CDH12: variants seen among roughly 807,000 people sequenced by gnomAD.
CDH12 encodes cadherin 12.
A neutral mutation model predicts 74.1 loss-of-function variants in CDH12; 41 were observed. The observed-to-expected ratio is 0.55, with a 90% CI of 0.43 to 0.72. CDH12 has a LOEUF of 0.72. Among genes scored for constraint, CDH12 ranks in the 30% least tolerant of loss-of-function variants. The pLI is 0.00. For synonymous variants in CDH12, 399 were observed against 355.0 expected (o/e 1.12, Z -1.39); for missense variants, 945 against 977.2 (o/e 0.97, Z 0.44).
chr5:22,191,551 G>T, intron 4 of CDH12, among the ~76,000 whole-genome samples: 1 of 127,790 alleles, frequency 7.8e-6, no homozygotes, highest in African/African-American at 2.8e-5. Context: ...ATACACCAAT[G>T]GTCTTTTTAT....
intron 1 of CDH12, among the ~76,000 whole-genome samples, chr5:22,848,242 A>G (rs999967583): frequency 6.6e-6 from 1 of 152,156 alleles, no homozygotes; most frequent in Non-Finnish European, 1.5e-5. Flanking sequence ...AATTTTTCAA[A>G]TTCCAGGAAT....
At chr5:22,080,572 A>T (rs933565483) in intron 4 of CDH12, among the ~76,000 whole-genome samples, 2 of 152,138 alleles carry the variant, frequency 1.3e-5, no homozygotes, top group African/African-American at 4.8e-5. Context: ...CTTGTCCAAT[A>T]TGGAAACCTC....
chr5:21,839,807 C>A (rs1490830037), intron 8 of CDH12, among the ~76,000 whole-genome samples: 4 of 152,056 alleles, frequency 2.6e-5, no homozygotes, highest in African/African-American at 9.7e-5. Flanking sequence ...CCTTATACAA[C>A]CAGTGACAGA....
chr5:22,723,195 A>G (rs1402823006), intron 1 of CDH12, among the ~76,000 whole-genome samples: 1 of 152,196 alleles, frequency 6.6e-6, no homozygotes, highest in East Asian at 1.9e-4. Flanking sequence ...AAAATTTCAC[A>G]AATTCACAGA....
At chr5:22,700,694 G>T (rs1742670185) in intron 1 of CDH12, among the ~76,000 whole-genome samples, 1 of 152,166 alleles carries the variant, frequency 6.6e-6, no homozygotes, top group South Asian at 2.1e-4. Flanking sequence ...CCTAAGGAGA[G>T]AGTCAATACT....
chr5:22,065,249 C>A (rs1176506940), intron 5 of CDH12, among the ~76,000 whole-genome samples: 1 of 152,098 alleles, frequency 6.6e-6, no homozygotes, highest in Non-Finnish European at 1.5e-5. Flanking sequence ...TGAGGTGATG[C>A]ATTAAATACC....
At position 22,214,583 on chromosome 5, in the gene CDH12, A is replaced by G. The variant is rs144905037; in HGVS notation, c.-332-1940T>C. ...GCTCTAATGTGTAGTTGGTCATGCA[A>G]TTAAAGCACTCCGTTTCTCGTATTG... is the stretch of plus-strand genomic sequence containing the variant. On this transcript the variant is annotated intron_variant, in intron 3 of 14. Transcript: ENST00000382254. Among the ~76,000 whole-genome samples, 8 of 152,310 alleles carry G rather than the reference A, an allele frequency of 5.3e-5. No individual in the cohort carries two copies. In the East Asian group the frequency reaches 1.4e-3, roughly 26 times the overall value.
chr5:22,634,168 T>C (rs530172020), intron 1 of CDH12, among the ~76,000 whole-genome samples: 1 of 152,108 alleles, frequency 6.6e-6, no homozygotes, highest in Non-Finnish European at 1.5e-5. Context: ...AAGGCAGTAA[T>C]GAGAAATATA....
intron 11 of CDH12, among the ~76,000 whole-genome samples, chr5:21,775,009 A>G (rs1390678745): frequency 1.3e-5 from 2 of 152,196 alleles, no homozygotes; most frequent in African/African-American, 4.8e-5. Flanking sequence ...AGAAAGTCTG[A>G]TTCACCATGA....
chr5:22,731,074 T>C (rs1445630038), intron 1 of CDH12, among the ~76,000 whole-genome samples: 2 of 151,850 alleles, frequency 1.3e-5, no homozygotes, highest in Admixed American at 1.3e-4. Flanking sequence ...TTTAAGACTG[T>C]GGCCTTAAGC....
At chr5:21,824,314 C>T (rs1748540551) in intron 8 of CDH12, among the ~76,000 whole-genome samples, 1 of 152,040 alleles carries the variant, frequency 6.6e-6, no homozygotes, top group South Asian at 2.1e-4. Flanking sequence ...TTTTGCTTCT[C>T]TGGAGCTGCA....
At chr5:22,349,011 A>C (rs1740242083) in intron 3 of CDH12, among the ~76,000 whole-genome samples, 2 of 152,200 alleles carry the variant, frequency 1.3e-5, no homozygotes, top group Non-Finnish European at 2.9e-5. Flanking sequence ...GGAGGTGATT[A>C]AGTCATAAGA....
intron 1 of CDH12, among the ~76,000 whole-genome samples, chr5:22,509,332 A>G (rs566711807): frequency 3.7e-4 from 57 of 152,322 alleles, no homozygotes; most frequent in African/African-American, 1.3e-3. Flanking sequence ...TAATTTTTAG[A>G]AAGAGCTTAA....
intron 3 of CDH12, among the ~76,000 whole-genome samples, chr5:22,268,816 A>G: frequency 6.6e-6 from 1 of 152,154 alleles, no homozygotes; most frequent in East Asian, 1.9e-4. Context: ...CACCTCCTAT[A>G]TAACAGTATT....
chr5:22,433,625 A>G (rs1387798209), intron 2 of CDH12, among the ~76,000 whole-genome samples: 1 of 152,140 alleles, frequency 6.6e-6, no homozygotes, highest in Non-Finnish European at 1.5e-5. Flanking sequence ...AAATTTTAAT[A>G]GATTTGAATT....
At chr5:21,894,148 G>A (rs550073396) in intron 6 of CDH12, among the ~76,000 whole-genome samples, 22 of 152,208 alleles carry the variant, frequency 1.4e-4, no homozygotes, top group African/African-American at 5.3e-4. Flanking sequence ...GGAAGCCAAG[G>A]CGGGTGGATC....
chr5:21,973,574 CA>C (rs1330070370), intron 6 of CDH12, among the ~76,000 whole-genome samples: 2 of 152,038 alleles, frequency 1.3e-5, no homozygotes, highest in Non-Finnish European at 2.9e-5. Flanking sequence ...CGGAATTTTC[CA>C]ATACTGTAGA....
At chr5:22,023,579 C>CTA (rs531676415) in intron 5 of CDH12, among the ~76,000 whole-genome samples, 4,129 of 148,368 alleles carry the variant, frequency 0.028, 195 homozygotes, top group African/African-American at 0.097. Flanking sequence ...TTCTCTCTCT[C>CTA]TATATATATA....
In CDH12 at chr5:22,514,089, A is replaced by G. The variant is rs1401675939; in HGVS notation, c.-522-8725T>C. ...ATAGCAATATTATTACTAATTAGTA[A>G]TTTTCTCATGGTAAAATTAGAGACT... On this transcript the variant is annotated intron_variant, in intron 1 of 14. Coordinates refer to ENST00000382254, the MANE Select transcript of CDH12 (RefSeq NM_004061.5). Among the ~76,000 whole-genome samples, 5 of 151,882 alleles carry G rather than the reference A, an allele frequency of 3.3e-5. No individual in the cohort carries two copies. In the East Asian group the frequency reaches 9.6e-4, roughly 29 times the overall value.
Sources: allele counts gnomAD v4.1 joint callset (sites outside exome capture counted in the v4.1 genomes callset), GRCh38; gene constraint gnomAD v4.1.1; transcripts MANE v1.5; gene names NCBI Gene and HGNC (gene_info 2026-07-23, HGNC 2026-07-21).